Variants in CRYZL1 observed in about 807,000 individuals in gnomAD.
CRYZL1 encodes the protein crystallin zeta like 1.
A neutral mutation model predicts 50.6 loss-of-function variants in CRYZL1; 34 were observed. The observed-to-expected ratio is 0.67, with a 90% CI of 0.51 to 0.89. The LOEUF is 0.89. Among genes scored for constraint, CRYZL1 ranks in the 40% least tolerant of loss-of-function variants. The pLI, the probability that CRYZL1 is intolerant of heterozygous loss-of-function variation, is 0.00. For synonymous variants in CRYZL1, 125 were observed against 134.3 expected (o/e 0.93, Z 0.48); for missense variants, 354 against 402.3 (o/e 0.88, Z 1.03).
intron 6 of CRYZL1, among the ~76,000 whole-genome samples, chr21:33,603,771 G>T (rs541683943): frequency 6.6e-6 from 1 of 152,312 alleles, no homozygotes; most frequent in East Asian, 1.9e-4. Context: ...TGCAGAAAAA[G>T]TATGTAAAAT....
chr21:33,598,420 G>T (rs2086717351), intron 9 of CRYZL1, among the ~76,000 whole-genome samples: 1 of 152,200 alleles, frequency 6.6e-6, no homozygotes, highest in African/African-American at 2.4e-5. Context: ...CACTTTGCAG[G>T]CTCGTAAAGC....
Position 33,589,811 on chromosome 21 carries a change from A to G in CRYZL1, c.*11T>C. 1.3e-6 allele frequency: 2 copies of G among 1,548,890 alleles called. No individual in the cohort carries two copies. The highest frequency in any genetic ancestry group is 1.8e-6 in the Non-Finnish European group (2 of 1,121,572). ...TATGTTCATCCGACTGAGGTCTGAG[A>G]AAGAAGAAAATTAAAATTGAACAAC... On this transcript the variant is annotated 3_prime_UTR_variant, in exon 13 of 13. Transcript: ENST00000381554.
intron 3 of CRYZL1, among the ~76,000 whole-genome samples, chr21:33,623,634 T>C (rs781267062): frequency 6.6e-5 from 10 of 152,216 alleles, no homozygotes; most frequent in Non-Finnish European, 8.8e-5. Flanking sequence ...TGAAAGCCTA[T>C]ACCTGGTCTG....
At chr21:33,636,959 AC>A (rs1215321558) in intron 1 of CRYZL1, among the ~76,000 whole-genome samples, 1 of 152,120 alleles carries the variant, frequency 6.6e-6, no homozygotes, top group Non-Finnish European at 1.5e-5. Flanking sequence ...GGCGCCCGCC[AC>A]TGCGCCCGGC....
At chr21:33,601,953 T>C (rs2086761209) in intron 8 of CRYZL1, among the ~76,000 whole-genome samples, 1 of 149,402 alleles carries the variant, frequency 6.7e-6, no homozygotes, top group Non-Finnish European at 1.5e-5. Context: ...AGATAGCACA[T>C]ACACTGCATT....
At chr21:33,612,454 A>AT (rs1459882207) in intron 6 of CRYZL1, among the ~76,000 whole-genome samples, 1 of 152,030 alleles carries the variant, frequency 6.6e-6, no homozygotes, top group African/African-American at 2.4e-5. Flanking sequence ...CCCAGCTAAG[A>AT]TTTTTTGTAT....
At chr21:33,600,594 C>T (rs2145922466) in intron 8 of CRYZL1, among the ~76,000 whole-genome samples, 1 of 151,058 alleles carries the variant, frequency 6.6e-6, no homozygotes, top group Admixed American at 6.6e-5. Context: ...GAAATTTTCC[C>T]TTCGTTCATG....
At chr21:33,610,727 G>GTTTTTTTT (rs747790692) in intron 6 of CRYZL1, among the ~76,000 whole-genome samples, 10 of 101,472 alleles carry the variant, frequency 9.9e-5, no homozygotes, top group Non-Finnish European at 1.2e-4. Flanking sequence ...TTGTTTGGTT[G>GTTTTTTTT]TTTTTTTTTT....
rs555825324 is a variant in CRYZL1 at position 33,638,682 on chromosome 21, G to A, written c.-7+2999C>T. The stretch of plus-strand genomic sequence containing the variant: ...GTGCACAACTGCAGTGCTCTTTTGT[G>A]CCTGTTATTATATAAGATGGGCACA... On this transcript the variant is annotated intron_variant, in intron 1 of 12. Transcript: ENST00000381554. 6.6e-5 allele frequency among the ~76,000 whole-genome samples: 10 copies of A among 152,322 alleles called. No homozygotes were observed. In the East Asian group the frequency reaches 1.9e-3, roughly 29 times the overall value.
intron 1 of CRYZL1, among the ~76,000 whole-genome samples, chr21:33,635,943 T>C (rs1032173550): frequency 6.6e-6 from 1 of 152,070 alleles, no homozygotes; most frequent in African/African-American, 2.4e-5. Context: ...ATCGCGCCAC[T>C]GCACTCCAGC....
chr21:33,607,475 A>G (rs138039446), intron 6 of CRYZL1, among the ~76,000 whole-genome samples: 45 of 152,090 alleles, frequency 3.0e-4, no homozygotes, highest in African/African-American at 1.0e-3. Context: ...AGTTTCTACA[A>G]AAAAAAGTTA....
chr21:33,618,575 C>T (rs2086961744), intron 4 of CRYZL1, among the ~76,000 whole-genome samples: 1 of 152,192 alleles, frequency 6.6e-6, no homozygotes, highest in African/African-American at 2.4e-5. Flanking sequence ...AAACCTGAAT[C>T]TGGAAATGGC....
chr21:33,610,817 C>T (rs2086865220), intron 6 of CRYZL1, among the ~76,000 whole-genome samples: 1 of 150,008 alleles, frequency 6.7e-6, no homozygotes, highest in Middle Eastern at 3.5e-3. Flanking sequence ...CTGCAACCTC[C>T]GTCTCCTGAG....
At chr21:33,639,994 T>G in intron 1 of CRYZL1, 1 of 556,822 alleles carries the variant, frequency 1.8e-6, no homozygotes, top group South Asian at 2.3e-5. Flanking sequence ...CCCGGCTAAT[T>G]TCTGTATTTT....
Position 33,614,171 on chromosome 21 carries a change from C to CAAA in CRYZL1, c.263-568_263-566dup, listed in dbSNP as rs1174565593. ...CGGCCGACAGTGCGAGACTCTGTGT[C>CAAA]AAAAAAAAAAAAAAAAAAAATTGTC... On this transcript the variant is annotated intron_variant, in intron 5 of 12. Coordinates refer to ENST00000381554, the MANE Select transcript of CRYZL1 (RefSeq NM_145858.3). Among the ~76,000 whole-genome samples, 179 of 98,184 alleles carry CAAA rather than the reference C, an allele frequency of 1.8e-3. 1 individual carries two copies. Among genetic ancestry groups the CAAA allele is most frequent in the South Asian group, 7.8e-3 (22 of 2,836 alleles). The allele number at this position is 98,184 out of a possible 152,430, so 64.4% of individuals were successfully genotyped here. A position where few individuals can be genotyped will look rare whatever the true frequency, so the allele number is the denominator to read the frequency against.
intron 5 of CRYZL1, among the ~76,000 whole-genome samples, chr21:33,615,587 G>T (rs900720877): frequency 1.3e-5 from 2 of 152,102 alleles, no homozygotes; most frequent in African/African-American, 2.4e-5. Context: ...GATGCAGGTT[G>T]CAACTATAAA....
At chr21:33,627,904 C>A (rs964221366) in intron 2 of CRYZL1, among the ~76,000 whole-genome samples, 3 of 152,098 alleles carry the variant, frequency 2.0e-5, no homozygotes, top group African/African-American at 7.2e-5. Context: ...GCCACCACGC[C>A]TGGCTAATTT....
rs202167755 is a variant in CRYZL1, at chr21:33,601,152, G to A, written c.577+1082C>T. Among the ~76,000 whole-genome samples the A allele has an allele frequency of 4.1e-5, 6 of 145,146 alleles. No homozygotes were observed. The East Asian group carries it at 1.3e-3, about 31-fold the overall frequency. On this transcript the variant is annotated intron_variant, in intron 8 of 12. Transcript: ENST00000381554. ...GGGTTTCATCACGTTGGCCAGGCTG[G>A]TCTTGAACTCCTCACCTCAAGTGAT...
chr21:33,600,932 A>ATGTTTTTT (rs760240536), intron 8 of CRYZL1, among the ~76,000 whole-genome samples: 2 of 122,596 alleles, frequency 1.6e-5, no homozygotes, highest in East Asian at 2.4e-4. Flanking sequence ...CGGTCCATAA[A>ATGTTTTTT]GTTTTTTTTT....
Sources: gnomAD v4.1 joint callset for allele counts (sites outside exome capture counted in the v4.1 genomes callset) on GRCh38, gnomAD v4.1.1 for gene constraint, MANE v1.5 for transcripts, NCBI Gene and HGNC (gene_info 2026-07-23, HGNC 2026-07-21) for gene names.